The following DCC variants were observed in gnomAD, a reference collection of about 807,000 sequenced individuals.
DCC encodes the protein netrin receptor DCC.
Under a neutral mutation model 172.5 loss-of-function variants are expected in DCC, and 58 were observed. The observed-to-expected ratio is 0.34, with a 90% CI of 0.27 to 0.42. DCC has a LOEUF of 0.42. Among genes scored for constraint, DCC ranks in the 10% least tolerant of loss-of-function variants. The pLI is 1.00. For synonymous variants in DCC, 709 were observed against 644.5 expected, an observed-to-expected ratio of 1.10 and a Z score of -1.52; for missense variants, 1,740 against 1,791.0, an observed-to-expected ratio of 0.97 and a Z score of 0.51.
At chr18:53,047,292 T>TTA (rs1229921682) in intron 5 of DCC, among the ~76,000 whole-genome samples, 2,414 of 20,082 alleles carry the variant, frequency 0.12, 268 homozygotes, top group African/African-American at 0.42. Flanking sequence ...ATATATAATT[T>TTA]TATATATATA....
intron 5 of DCC, 39 bp downstream of exon 5, chr18:52,925,409 T>A: frequency 6.3e-7 from 1 of 1,593,694 alleles, no homozygotes; most frequent in Non-Finnish European, 8.6e-7. Flanking sequence ...ATTGTACCTT[T>A]CAAAGTATAT....
At chr18:53,150,082 C>T (rs899246025) in intron 7 of DCC, among the ~76,000 whole-genome samples, 3 of 152,330 alleles carry the variant, frequency 2.0e-5, no homozygotes, top group South Asian at 2.1e-4. Context: ...CCAGGGCTTC[C>T]TCTAGGGATC....
At chr18:52,695,509 A>T (rs1157903387) in intron 1 of DCC, among the ~76,000 whole-genome samples, 1 of 152,182 alleles carries the variant, frequency 6.6e-6, no homozygotes, top group Non-Finnish European at 1.5e-5. Context: ...AACTTAAAGG[A>T]ATTTTGGACA....
At chr18:52,678,908 G>A (rs1044721406) in intron 1 of DCC, among the ~76,000 whole-genome samples, 9 of 151,940 alleles carry the variant, frequency 5.9e-5, no homozygotes, top group African/African-American at 1.9e-4. Flanking sequence ...ACCAGCTGGT[G>A]ATAGATTCAC....
chr18:52,565,441 A>G (rs901025193), intron 1 of DCC, among the ~76,000 whole-genome samples: 1 of 152,098 alleles, frequency 6.6e-6, no homozygotes, highest in Non-Finnish European at 1.5e-5. Context: ...GGTTGAACTA[A>G]TTTACACTCC....
chr18:53,300,484 T>C (rs1448893630), intron 12 of DCC, among the ~76,000 whole-genome samples: 1 of 152,208 alleles, frequency 6.6e-6, no homozygotes, highest in East Asian at 1.9e-4. Flanking sequence ...CACTGTCCAG[T>C]GTTCCTAAGA....
intron 3 of DCC, among the ~76,000 whole-genome samples, chr18:52,907,361 ATGAT>A (rs1351569932): frequency 2.1e-5 from 3 of 144,496 alleles, no homozygotes; most frequent in South Asian, 2.1e-4. Context: ...GTATATATGA[ATGAT>A]ATATATCATA....
intron 1 of DCC, among the ~76,000 whole-genome samples, chr18:52,500,010 C>T (rs1459683072): frequency 6.6e-6 from 1 of 152,156 alleles, no homozygotes; most frequent in East Asian, 1.9e-4. Context: ...CTTTCCCAGC[C>T]TCCATTCTTC....
intron 5 of DCC, among the ~76,000 whole-genome samples, chr18:52,980,654 CATAAA>C (rs1244595984): frequency 2.0e-4 from 31 of 151,858 alleles, no homozygotes; most frequent in Admixed American, 1.2e-3. Context: ...AATTTTATAA[CATAAA>C]ATAAGTACTA....
At chr18:52,939,958 A>G (rs1453825038) in intron 5 of DCC, among the ~76,000 whole-genome samples, 3 of 151,294 alleles carry the variant, frequency 2.0e-5, no homozygotes, top group African/African-American at 7.3e-5. Flanking sequence ...GTATTTCTCA[A>G]TGTGTGGTCT....
intron 27 of DCC, among the ~76,000 whole-genome samples, chr18:53,516,741 CA>C (rs1483539649): frequency 1.4e-5 from 2 of 147,318 alleles, no homozygotes; most frequent in Non-Finnish European, 3.0e-5. Context: ...ATCAAAACCA[CA>C]ATGAGATACC....
At chr18:53,153,605 A>G (rs1015225487) in intron 7 of DCC, among the ~76,000 whole-genome samples, 9 of 152,222 alleles carry the variant, frequency 5.9e-5, no homozygotes, top group South Asian at 2.1e-4. Flanking sequence ...CCACTTTTCA[A>G]TAAGACGATT....
intron 1 of DCC, among the ~76,000 whole-genome samples, chr18:52,574,435 C>T (rs567701876): frequency 1.3e-5 from 2 of 152,304 alleles, no homozygotes; most frequent in South Asian, 4.1e-4. Context: ...TTTCCAGCAA[C>T]ACCCATTTTC....
intron 1 of DCC, among the ~76,000 whole-genome samples, chr18:52,469,036 T>TTTAC (rs1988870904): frequency 3.5e-5 from 1 of 28,222 alleles, no homozygotes; most frequent in African/African-American, 1.6e-4. Context: ...TTTTGATTTA[T>TTTAC]TTATTTATTT....
intron 7 of DCC, among the ~76,000 whole-genome samples, chr18:53,082,893 C>T (rs571576102): frequency 9.2e-5 from 14 of 152,222 alleles, no homozygotes; most frequent in Admixed American, 7.9e-4. Flanking sequence ...TTCCTAGACT[C>T]CAGTTTGTGC....
chr18:53,061,890 T>A (rs11874659), intron 5 of DCC, among the ~76,000 whole-genome samples: 1 of 151,906 alleles, frequency 6.6e-6, no homozygotes, highest in Non-Finnish European at 1.5e-5. Flanking sequence ...AATAAATGTT[T>A]GGCATTGGGT....
chr18:52,984,427 A>G (rs9958458), intron 5 of DCC, among the ~76,000 whole-genome samples: 115,055 of 151,874 alleles, frequency 0.76, 43,937 homozygotes, highest in African/African-American at 0.83. Flanking sequence ...TATATGTTTG[A>G]TCATTAATAG....
intron 5 of DCC, among the ~76,000 whole-genome samples, chr18:52,927,149 GTATA>G (rs1471219256): frequency 1.6e-5 from 1 of 63,644 alleles, no homozygotes; most frequent in East Asian, 2.9e-4. Context: ...GTATATATGT[GTATA>G]TATACGTATA....
intron 14 of DCC, among the ~76,000 whole-genome samples, chr18:53,326,892 G>A (rs552735322): frequency 6.6e-6 from 1 of 152,270 alleles, no homozygotes; most frequent in Admixed American, 6.5e-5. Context: ...TGTGTTGGAA[G>A]GTAACTGCAT....
Sources: allele counts gnomAD v4.1 joint callset (sites outside exome capture counted in the v4.1 genomes callset), GRCh38; gene constraint gnomAD v4.1.1; transcripts MANE v1.5; gene names NCBI Gene and HGNC (gene_info 2026-07-23, HGNC 2026-07-21).